Variants in KLRG1 observed in about 807,000 individuals in gnomAD.
The protein encoded by KLRG1 is killer cell lectin like receptor G1, also known as killer cell lectin-like receptor subfamily G member 1.
In KLRG1, 16 loss-of-function variants were observed where a neutral mutation model predicts 21.8. That is an observed-to-expected ratio of 0.73 (90% CI 0.50 to 1.11). The LOEUF (loss-of-function observed/expected upper bound fraction) is 1.11, where lower values mean the gene tolerates loss of function less well. Ranked by LOEUF, KLRG1 falls within the 50% of genes most tolerant of loss-of-function variation. KLRG1 has a pLI of 0.00. For synonymous variants in KLRG1, 69 were observed against 75.9 expected (o/e 0.91, Z 0.47); for missense variants, 173 against 218.3 (o/e 0.79, Z 1.31).
the KLRG1 span, chr12:9,158,364 C>T: frequency 1.3e-6 from 2 of 1,598,414 alleles, no homozygotes; most frequent in Middle Eastern, 3.5e-4. Flanking sequence ...TCCCTTCACC[C>T]CTGGGGGATG....
At chr12:9,204,089 G>A in the KLRG1 span, 2 of 897,006 alleles carry the variant, frequency 2.2e-6, no homozygotes, top group Non-Finnish European at 3.3e-6. Context: ...AGTCAATGGA[G>A]GTTCTGTCAC....
the KLRG1 span, chr12:9,154,659 A>T: frequency 6.2e-7 from 1 of 1,614,148 alleles, no homozygotes; most frequent in African/African-American, 1.3e-5. Flanking sequence ...CTGCTTCATG[A>T]TCCACTTCAC....
At chr12:9,145,546 C>G in the KLRG1 span, among the ~76,000 whole-genome samples, 1 of 152,064 alleles carries the variant, frequency 6.6e-6, no homozygotes, top group Non-Finnish European at 1.5e-5. Context: ...ATACTTTTCT[C>G]TTTTAACTTT....
At chr12:9,120,641 G>A in the KLRG1 span, among the ~76,000 whole-genome samples, 2 of 152,148 alleles carry the variant, frequency 1.3e-5, no homozygotes, top group Non-Finnish European at 1.5e-5. Flanking sequence ...TGACAGTGAC[G>A]ATAATGACAA....
chr12:9,208,394 C>T, the KLRG1 span: 29 of 1,465,908 alleles, frequency 2.0e-5, no homozygotes, highest in Non-Finnish European at 2.6e-5. Flanking sequence ...CAGCCTCGCC[C>T]TGGAGACCAG....
At chr12:9,101,036 T>A in the KLRG1 span, 1 of 1,009,254 alleles carries the variant, frequency 9.9e-7, no homozygotes, top group Non-Finnish European at 1.4e-6. Context: ...CACCACCTGT[T>A]CCCCCAAAAA....
At chr12:9,148,864 AT>A in the KLRG1 span, 1 of 959,126 alleles carries the variant, frequency 1.0e-6, no homozygotes, top group South Asian at 1.5e-5. Flanking sequence ...GTACATATTT[AT>A]TCAGCAAATA....
At chr12:8,965,979 C>T (rs1361115924) in intron 1 of KLRG1, among the ~76,000 whole-genome samples, 9 of 152,062 alleles carry the variant, frequency 5.9e-5, no homozygotes, top group Non-Finnish European at 1.0e-4. Flanking sequence ...GGTACTGGTA[C>T]CAAAACAGAG....
At chr12:9,016,695 C>T in the KLRG1 span, among the ~76,000 whole-genome samples, 6 of 152,190 alleles carry the variant, frequency 3.9e-5, no homozygotes, top group African/African-American at 1.4e-4. Context: ...CCACTACAAC[C>T]TCTGCCTCCT....
chr12:9,090,163 G>A, the KLRG1 span: 6 of 1,368,676 alleles, frequency 4.4e-6, no homozygotes, highest in Non-Finnish European at 5.0e-6. Context: ...ATGCAAATGA[G>A]AGGTGAATGA....
the KLRG1 span, chr12:9,192,079 G>A: frequency 2.3e-6 from 2 of 861,016 alleles, no homozygotes; most frequent in Middle Eastern, 3.4e-4. Context: ...TTTCCTGCGT[G>A]TCCTCCTTAT....
At chr12:9,155,086 A>G in the KLRG1 span, among the ~76,000 whole-genome samples, 2 of 152,174 alleles carry the variant, frequency 1.3e-5, no homozygotes, top group Non-Finnish European at 2.9e-5. Context: ...AATCTCTCCA[A>G]TGTTATTTTA....
At chr12:9,200,515 G>T in the KLRG1 span, 2 of 1,262,946 alleles carry the variant, frequency 1.6e-6, no homozygotes, top group East Asian at 2.3e-5. Flanking sequence ...AATAATTTCA[G>T]TATGTCTATA....
the KLRG1 span, among the ~76,000 whole-genome samples, chr12:9,133,529 A>G: frequency 6.6e-6 from 1 of 152,222 alleles, no homozygotes; most frequent in Non-Finnish European, 1.5e-5. Context: ...GCTGTGAAAG[A>G]AAAAAATGTT....
chr12:9,067,284 C>T, the KLRG1 span: 1 of 161,036 alleles, frequency 6.2e-6, no homozygotes, highest in Non-Finnish European at 1.4e-5. Flanking sequence ...ACTGATCACT[C>T]TCATCAGTGG....
chr12:9,039,456 T>G, the KLRG1 span, among the ~76,000 whole-genome samples: 17 of 147,724 alleles, frequency 1.2e-4, no homozygotes, highest in Non-Finnish European at 1.2e-4. Flanking sequence ...TATAATTTTA[T>G]GCTTTTTTAA....
At chr12:8,999,521 C>T (rs1035395535) in intron 3 of KLRG1, among the ~76,000 whole-genome samples, 2 of 152,234 alleles carry the variant, frequency 1.3e-5, no homozygotes, top group African/African-American at 4.8e-5. Context: ...TTAGGATTTA[C>T]ATCTAATAAT....
chr12:9,172,416 T>C, the KLRG1 span, among the ~76,000 whole-genome samples: 1 of 152,216 alleles, frequency 6.6e-6, no homozygotes, highest in East Asian at 1.9e-4. Flanking sequence ...CAGAACACTA[T>C]GAAGCAATCA....
the KLRG1 span, among the ~76,000 whole-genome samples, chr12:9,044,041 T>A: frequency 6.6e-6 from 1 of 152,218 alleles, no homozygotes; most frequent in Admixed American, 6.5e-5. Context: ...ATCATCCAGG[T>A]AAGCCATGTC....
Sources: gnomAD v4.1 joint callset for allele counts (sites outside exome capture counted in the v4.1 genomes callset) on GRCh38, gnomAD v4.1.1 for gene constraint, MANE v1.5 for transcripts, NCBI Gene and HGNC (gene_info 2026-07-23, HGNC 2026-07-21) for gene names.